ESRRG: variants seen among roughly 807,000 people sequenced by gnomAD.
The protein encoded by ESRRG is estrogen related receptor gamma.
A neutral mutation model predicts 44.0 loss-of-function variants in ESRRG; 13 were observed. That is an observed-to-expected ratio of 0.30 (90% CI 0.19 to 0.47). The LOEUF (loss-of-function observed/expected upper bound fraction) is 0.47. Ranked by LOEUF, ESRRG falls within the 20% of genes least tolerant of loss-of-function variation. The pLI, the probability that ESRRG is intolerant of heterozygous loss-of-function variation, is 1.00. For synonymous variants in ESRRG, 215 were observed against 214.6 expected (o/e 1.00, Z -0.02); for missense variants, 395 against 580.6 (o/e 0.68, Z 3.29).
intron 1 of ESRRG, among the ~76,000 whole-genome samples, chr1:217,109,503 C>A (rs2092636927): frequency 6.6e-6 from 1 of 152,122 alleles, no homozygotes; most frequent in Non-Finnish European, 1.5e-5. Context: ...AAATGAAGCA[C>A]CCAGTAGTTC....
intron 1 of ESRRG, among the ~76,000 whole-genome samples, chr1:216,965,459 T>C (rs1248306063): frequency 3.9e-5 from 6 of 152,160 alleles, no homozygotes; most frequent in Non-Finnish European, 7.3e-5. Flanking sequence ...AGAAATACAT[T>C]TATCCAGTAC....
At chr1:216,841,378 C>A (rs1449580127) in intron 2 of ESRRG, among the ~76,000 whole-genome samples, 1 of 152,042 alleles carries the variant, frequency 6.6e-6, no homozygotes, top group Non-Finnish European at 1.5e-5. Context: ...ACTTTTAACA[C>A]CAGGGGCTGG....
chr1:216,766,393 C>G (rs910452379), intron 2 of ESRRG, among the ~76,000 whole-genome samples: 2 of 151,992 alleles, frequency 1.3e-5, no homozygotes, highest in Non-Finnish European at 2.9e-5. Context: ...TCATCCCTGA[C>G]TTTTCCTTGA....
intron 3 of ESRRG, among the ~76,000 whole-genome samples, chr1:216,649,760 A>G (rs1038466821): frequency 6.6e-6 from 1 of 152,140 alleles, no homozygotes; most frequent in Non-Finnish European, 1.5e-5. Context: ...GAGAAATACA[A>G]TGTGAATTCC....
At chr1:216,758,146 T>C (rs900693326) in intron 2 of ESRRG, among the ~76,000 whole-genome samples, 13 of 152,098 alleles carry the variant, frequency 8.5e-5, no homozygotes, top group African/African-American at 3.1e-4. Context: ...GTGCTCTGAA[T>C]TAGATTCCCA....
chr1:216,984,371 C>T (rs12743080), intron 1 of ESRRG, among the ~76,000 whole-genome samples: 25,156 of 152,112 alleles, frequency 0.17, 2,798 homozygotes, highest in Admixed American at 0.29. Flanking sequence ...GCTCCCTAAA[C>T]ATAAAAGGGT....
intron 5 of ESRRG, among the ~76,000 whole-genome samples, chr1:216,546,685 A>T (rs1472233165): frequency 2.0e-5 from 3 of 148,074 alleles, no homozygotes; most frequent in African/African-American, 7.4e-5. Context: ...TATGTGCTTT[A>T]AAAAAAAAAA....
At chr1:216,563,763 C>T (rs1287128276) in intron 5 of ESRRG, among the ~76,000 whole-genome samples, 2 of 151,956 alleles carry the variant, frequency 1.3e-5, no homozygotes, top group Non-Finnish European at 2.9e-5. Flanking sequence ...GATTGTAAGC[C>T]AAAGCAAAGC....
At chr1:216,839,710 T>G (rs1018256192) in intron 2 of ESRRG, among the ~76,000 whole-genome samples, 8 of 143,010 alleles carry the variant, frequency 5.6e-5, no homozygotes, top group Admixed American at 5.1e-4. Flanking sequence ...TTCATGTATT[T>G]TTCATTCATC....
At chr1:217,132,950 G>A (rs1301907846) in intron 1 of ESRRG, among the ~76,000 whole-genome samples, 1 of 152,106 alleles carries the variant, frequency 6.6e-6, no homozygotes, top group South Asian at 2.1e-4. Context: ...TCCATACCCC[G>A]AAAGTTTCTT....
intron 1 of ESRRG, among the ~76,000 whole-genome samples, chr1:216,988,697 G>A (rs976308849): frequency 6.6e-6 from 1 of 152,096 alleles, no homozygotes; most frequent in African/African-American, 2.4e-5. Flanking sequence ...CTTAGATTCT[G>A]GTACTTGAAG....
chr1:216,638,322 T>C (rs1487374593), intron 3 of ESRRG, among the ~76,000 whole-genome samples: 1 of 152,176 alleles, frequency 6.6e-6, no homozygotes, highest in African/African-American at 2.4e-5. Flanking sequence ...AAGTAACTTG[T>C]CTGAGATGGC....
At chr1:216,779,237 ATAT>A (rs1284388077) in intron 2 of ESRRG, among the ~76,000 whole-genome samples, 1 of 62,608 alleles carries the variant, frequency 1.6e-5, no homozygotes, top group African/African-American at 1.0e-4. Context: ...ATAAATATAA[ATAT>A]ATATTTATAT....
chr1:216,619,264 T>C (rs2061850760), intron 3 of ESRRG, among the ~76,000 whole-genome samples: 1 of 152,164 alleles, frequency 6.6e-6, no homozygotes, highest in South Asian at 2.1e-4. Flanking sequence ...ATTCCTATAA[T>C]CAGAAATTTA....
chr1:216,931,191 A>T (rs2063293329), intron 2 of ESRRG, among the ~76,000 whole-genome samples: 1 of 152,168 alleles, frequency 6.6e-6, no homozygotes, highest in African/African-American at 2.4e-5. Context: ...CGTTTCTCCT[A>T]ATTCTCATAT....
intron 1 of ESRRG, among the ~76,000 whole-genome samples, chr1:216,712,217 G>C (rs184702363): frequency 6.6e-6 from 1 of 152,232 alleles, no homozygotes; most frequent in East Asian, 1.9e-4. Flanking sequence ...GAACATTTAC[G>C]TATTCAATGG....
At chr1:216,701,566 A>G (rs2081394831) in intron 1 of ESRRG, 1 of 152,224 alleles carries the variant, frequency 6.6e-6, no homozygotes, top group Non-Finnish European at 1.5e-5. Flanking sequence ...GGAATCTGGC[A>G]TTATGCCTGG....
chr1:216,621,016 G>A (rs1333476976), intron 3 of ESRRG, among the ~76,000 whole-genome samples: 2 of 152,144 alleles, frequency 1.3e-5, no homozygotes, highest in African/African-American at 2.4e-5. Context: ...GTTTTCCAAT[G>A]AAGATTCCCA....
At chr1:216,819,972 G>A (rs1025959284) in intron 2 of ESRRG, among the ~76,000 whole-genome samples, 3 of 152,176 alleles carry the variant, frequency 2.0e-5, no homozygotes, top group Non-Finnish European at 4.4e-5. Context: ...AGAGAGACAT[G>A]TAACTCTTCA....
Sources: allele counts gnomAD v4.1 joint callset (sites outside exome capture counted in the v4.1 genomes callset), GRCh38; gene constraint gnomAD v4.1.1; transcripts MANE v1.5; gene names NCBI Gene and HGNC (gene_info 2026-07-23, HGNC 2026-07-21).